Variants in NBEAL1 observed in about 807,000 individuals in gnomAD.
NBEAL1 encodes neurobeachin like 1.
Under a neutral mutation model 351.3 loss-of-function variants are expected in NBEAL1, and 273 were observed. That is an observed-to-expected ratio of 0.78 (90% confidence interval 0.70 to 0.86). The LOEUF is 0.86. Among genes scored for constraint, NBEAL1 ranks in the 40% least tolerant of loss-of-function variants. NBEAL1 has a pLI of 0.00. For missense variants in NBEAL1, 2,961 were observed against 3,201.3 expected, an observed-to-expected ratio of 0.92 and a Z score of 1.81; for synonymous variants, 1,050 against 1,086.4, an observed-to-expected ratio of 0.97 and a Z score of 0.66.
intron 18 of NBEAL1, among the ~76,000 whole-genome samples, chr2:203,117,164 A>G (rs2062718737): frequency 6.6e-6 from 1 of 151,898 alleles, no homozygotes; most frequent in Non-Finnish European, 1.5e-5. Context: ...AGAAAAAGAT[A>G]TACAAAAATG....
intron 10 of NBEAL1, among the ~76,000 whole-genome samples, chr2:203,094,596 C>T (rs1267998022): frequency 1.3e-5 from 2 of 152,130 alleles, no homozygotes; most frequent in Non-Finnish European, 2.9e-5. Context: ...ATTCGTCAGC[C>T]TATTTAAGTA....
At chr2:203,020,653 A>G (rs1186756363) in intron 2 of NBEAL1, among the ~76,000 whole-genome samples, 1 of 150,856 alleles carries the variant, frequency 6.6e-6, no homozygotes, top group Non-Finnish European at 1.5e-5. Context: ...CCTGGGTGAC[A>G]GAGTGAGACT....
At position 203,108,073 on chromosome 2, in the gene NBEAL1, C is replaced by G; in HGVS notation, c.1834C>G (p.Pro612Ala). ...SHSMAGISVP[P>A]IQKWPGSAFS... ...TAGTATGGCAGGAATTTCTGTGCCT[C>G]CCATACAGAAATGGCCAGGGTCTGC... The change falls in exon 14 of 56, where the codon CCC becomes GCC. Residue 612 changes from proline (P) to alanine (A), a missense_variant. Pro to Ala is a conservative substitution (Grantham distance 27, BLOSUM62 -1). Transcript: ENST00000683969. 6.4e-7 allele frequency: 1 copy of G among 1,552,280 alleles called. No individual in the cohort carries two copies. Among genetic ancestry groups the G allele is most frequent in the Non-Finnish European group, 8.7e-7 (1 of 1,147,144 alleles).
intron 2 of NBEAL1, among the ~76,000 whole-genome samples, chr2:203,016,993 A>G (rs997553153): frequency 6.6e-6 from 1 of 152,182 alleles, no homozygotes; most frequent in African/African-American, 2.4e-5. Context: ...GGGTTACAGG[A>G]GTACTGAGTA....
In NBEAL1 at chr2:203,016,434, A is replaced by T; in HGVS notation, c.50A>T (p.Lys17Met). 1 of 1,447,474 alleles carries T rather than the reference A, an allele frequency of 6.9e-7. No individual in the cohort carries two copies. The highest frequency in any genetic ancestry group is 9.3e-7 in the Non-Finnish European group (1 of 1,078,958). 89.7% of individuals were successfully genotyped at this position (1,447,474 alleles called of 1,614,324 possible). A position where few individuals can be genotyped will look rare whatever the true frequency, so the allele number is the denominator to read the frequency against. ...LFELWMLYCT[K>M]KDPDYLKLWL... is the part of the protein sequence containing the mutation. ...GAACTTTGGATGCTTTATTGTACAA[A>T]GGTAATTGCTTTCCTTTTTATTTTT... is the stretch of plus-strand genomic sequence containing the variant. The change falls in exon 2 of 56, where the codon AAG becomes ATG. Residue 17 changes from lysine (K) to methionine (M), a missense_variant and splice_region_variant. Lys to Met is a moderately conservative substitution (Grantham distance 95, BLOSUM62 -1). Coordinates refer to ENST00000683969, the MANE Select transcript of NBEAL1 (RefSeq NM_001378026.1).
At chr2:203,029,138 T>C (rs2060908586) in intron 2 of NBEAL1, among the ~76,000 whole-genome samples, 1 of 152,080 alleles carries the variant, frequency 6.6e-6, no homozygotes, top group Non-Finnish European at 1.5e-5. Context: ...GGGTGGCTAA[T>C]TTTTGTACGC....
intron 55 of NBEAL1, among the ~76,000 whole-genome samples, chr2:203,215,790 T>C (rs1201311644): frequency 6.6e-6 from 1 of 150,844 alleles, no homozygotes; most frequent in Admixed American, 6.6e-5. Flanking sequence ...GTGGGTGGAG[T>C]ACTTGAGGCC....
At chr2:203,110,806 G>A (rs551837421) in intron 15 of NBEAL1, among the ~76,000 whole-genome samples, 44 of 112,060 alleles carry the variant, frequency 3.9e-4, no homozygotes, top group Admixed American at 2.6e-3. Context: ...TTGCTCTGTC[G>A]CCAGTCTGGA....
chr2:203,196,698 A>G (rs1250330748), intron 47 of NBEAL1, among the ~76,000 whole-genome samples: 4 of 152,220 alleles, frequency 2.6e-5, no homozygotes, highest in African/African-American at 9.6e-5. Context: ...CAATAATGTT[A>G]TCATTTACCT....
At chr2:203,198,926 G>A (rs531055138) in intron 48 of NBEAL1, among the ~76,000 whole-genome samples, 6 of 152,026 alleles carry the variant, frequency 3.9e-5, no homozygotes, top group South Asian at 2.1e-4. Context: ...GGTGACTCAC[G>A]CCTGTCATCC....
chr2:203,084,330 G>C, intron 9 of NBEAL1, 133 bp from the exon 10 acceptor site: 1 of 448,994 alleles, frequency 2.2e-6, no homozygotes, highest in Non-Finnish European at 3.9e-6. Flanking sequence ...GTGCTTTTGT[G>C]TGTTAGTGTC....
chr2:203,183,133 T>C (rs2064781290), intron 43 of NBEAL1, 146 bp from the exon 44 acceptor site: 1 of 425,790 alleles, frequency 2.3e-6, no homozygotes, highest in Non-Finnish European at 4.2e-6. Flanking sequence ...TTTTTGTTTT[T>C]AAATTAACTG....
intron 12 of NBEAL1, among the ~76,000 whole-genome samples, chr2:203,101,811 G>A (rs960656546): frequency 1.3e-5 from 2 of 152,158 alleles, no homozygotes; most frequent in Non-Finnish European, 2.9e-5. Flanking sequence ...GACCAGGCTG[G>A]TCTGGAACTC....
chr2:203,205,059 G>A (rs891225112), intron 51 of NBEAL1, among the ~76,000 whole-genome samples: 1 of 151,896 alleles, frequency 6.6e-6, no homozygotes, highest in African/African-American at 2.4e-5. Flanking sequence ...GAGCATCCCC[G>A]CCTTATATCT....
rs2065962511 is a variant in NBEAL1, at chr2:203,222,409, ATTTATC to A, written c.*5061_*5066del. 6.6e-6 allele frequency among the ~76,000 whole-genome samples: 1 copy of A among 152,124 alleles called. No homozygotes were observed. Among genetic ancestry groups the A allele is most frequent in the African/African-American group, 2.4e-5 (1 of 41,424 alleles). ...AATTTTTCTGCATAGAAATTTGTCC[ATTTATC>A]TTTATATACCAGATCCAATATTCAG... On this transcript the variant is annotated 3_prime_UTR_variant, in exon 56 of 56. Coordinates refer to ENST00000683969, the MANE Select transcript of NBEAL1 (RefSeq NM_001378026.1).
chr2:203,032,655 T>C (rs1035042880), intron 2 of NBEAL1, among the ~76,000 whole-genome samples: 1 of 137,336 alleles, frequency 7.3e-6, no homozygotes, highest in Non-Finnish European at 1.5e-5. Flanking sequence ...TGAAGGAAAT[T>C]GTAGCTTTTT....
At chr2:203,110,505 T>A (rs927447068) in intron 15 of NBEAL1, among the ~76,000 whole-genome samples, 1 of 151,758 alleles carries the variant, frequency 6.6e-6, no homozygotes, top group East Asian at 2.0e-4. Flanking sequence ...AAACCTGCTA[T>A]CTACTGAAAA....
At chr2:203,130,222 A>G (rs988128610) in intron 24 of NBEAL1, 96 bp from the exon 25 acceptor site, 1 of 1,162,774 alleles carries the variant, frequency 8.6e-7, no homozygotes, top group South Asian at 1.7e-5. Flanking sequence ...AAAACATTAT[A>G]TAGGATTTAA....
intron 36 of NBEAL1, among the ~76,000 whole-genome samples, chr2:203,160,054 A>G (rs1451703924): frequency 6.7e-6 from 1 of 149,008 alleles, no homozygotes; most frequent in Non-Finnish European, 1.5e-5. Flanking sequence ...GAGACTATAT[A>G]TGCAAATCAC....
Sources: allele counts gnomAD v4.1 joint callset (sites outside exome capture counted in the v4.1 genomes callset), GRCh38; gene constraint gnomAD v4.1.1; transcripts MANE v1.5; gene names NCBI Gene and HGNC (gene_info 2026-07-23, HGNC 2026-07-21).